VPS35L: variants seen among roughly 807,000 people sequenced by gnomAD.
VPS35L encodes the protein VPS35 endosomal protein-sorting factor-like.
A neutral mutation model predicts 133.0 loss-of-function variants in VPS35L; 83 were observed. The observed-to-expected ratio is 0.62, with a 90% CI of 0.52 to 0.75. The LOEUF is 0.75. Among genes scored for constraint, VPS35L ranks in the 30% least tolerant of loss-of-function variants. VPS35L has a pLI of 0.00. For synonymous variants in VPS35L, 423 were observed against 449.9 expected (o/e 0.94, Z 0.76); for missense variants, 1,083 against 1,206.8 (o/e 0.90, Z 1.52).
chr16:19,676,628 G>A (rs1489312469), intron 27 of VPS35L, among the ~76,000 whole-genome samples: 2 of 152,118 alleles, frequency 1.3e-5, no homozygotes, highest in Non-Finnish European at 2.9e-5. Flanking sequence ...TAGCACTAAC[G>A]ATCTCGGATC....
intron 21 of VPS35L, among the ~76,000 whole-genome samples, chr16:19,641,064 TA>T (rs555460946): frequency 2.5e-3 from 382 of 152,162 alleles, no homozygotes; most frequent in Middle Eastern, 0.024. Context: ...ATTTTATTAT[TA>T]TTTTTTTAAT....
intron 29 of VPS35L, among the ~76,000 whole-genome samples, chr16:19,692,325 C>T (rs759318565): frequency 2.6e-5 from 4 of 152,152 alleles, no homozygotes; most frequent in Non-Finnish European, 4.4e-5. Context: ...TCCCTGATAG[C>T]GTGGGATTGC....
intron 7 of VPS35L, among the ~76,000 whole-genome samples, chr16:19,585,297 A>G (rs1971827470): frequency 6.6e-6 from 1 of 152,138 alleles, no homozygotes; most frequent in Non-Finnish European, 1.5e-5. Context: ...TTGATGAGAA[A>G]CTGCCAAACT....
At position 19,569,595 on chromosome 16, in the gene VPS35L, A is replaced by G. The variant is rs1971297762; in HGVS notation, c.285+4A>G. On this transcript the variant is annotated splice_donor_region_variant and intron_variant, in intron 3 of 30. Transcript: ENST00000417362. ...CGCAGCCTTGGCAGCTGCCATGGTA[A>G]TGCACCCCAGCCATGGTCGTCCAGT... 1 of 1,534,656 alleles carries G rather than the reference A, an allele frequency of 6.5e-7. No homozygotes were observed. Among genetic ancestry groups the G allele is most frequent in the Non-Finnish European group, 8.8e-7 (1 of 1,142,216 alleles).
At chr16:19,615,923 C>T (rs1364471361) in intron 12 of VPS35L, among the ~76,000 whole-genome samples, 191 bp from the exon 13 acceptor site, 1 of 151,114 alleles carries the variant, frequency 6.6e-6, no homozygotes, top group Non-Finnish European at 1.5e-5. Context: ...GCTGAAATCG[C>T]ACCCACCGCA....
At chr16:19,580,845 C>T (rs772978336) in intron 6 of VPS35L, among the ~76,000 whole-genome samples, 6 of 152,112 alleles carry the variant, frequency 3.9e-5, no homozygotes, top group Non-Finnish European at 7.3e-5. Flanking sequence ...CTGAGATGTA[C>T]CATTTCTCTC....
In VPS35L at chr16:19,564,881, A is replaced by G. The variant is rs1314143685; in HGVS notation, c.48A>G (p.Glu16=). 1 of 1,613,488 alleles carries G rather than the reference A, an allele frequency of 6.2e-7. No homozygotes were observed. Among genetic ancestry groups the G allele is most frequent in the South Asian group, 1.1e-5 (1 of 91,070 alleles). ...CCAGGAATAGGAACTACAAAGCTGAATTTGCATCATGCCGACTGGAGGCTG... is the reference window on the plus strand; with the variant it reads ...CCAGGAATAGGAACTACAAAGCTGAGTTTGCATCATGCCGACTGGAGGCTG... ...WHSRNRNYKA[E]FASCRLEAVP... Residue 16 remains glutamate, a synonymous_variant, in exon 2 of 31, where the codon GAA becomes GAG. Transcript: ENST00000417362.
At chr16:19,570,083 A>AT (rs915758325) in intron 3 of VPS35L, among the ~76,000 whole-genome samples, 2 of 151,608 alleles carry the variant, frequency 1.3e-5, no homozygotes, top group Admixed American at 6.6e-5. Context: ...TTAATTTAAT[A>AT]TTTTTTTCAG....
rs1973733392 is a variant in VPS35L at position 19,639,869 on chromosome 16, G to A, written c.1699-146G>A. ...ACAAGCCCAGTCAGGTCCTCTCCCT[G>A]ATTTCAGAGGAGTCCTCATCTGACC... On this transcript the variant is annotated intron_variant, in intron 20 of 30. Coordinates refer to ENST00000417362, the MANE Select transcript of VPS35L (RefSeq NM_020314.7). This position sits in a 1 kb window ranked among gnomAD's most constrained non-coding sequence, Gnocchi z 4.1. The A allele has an allele frequency of 7.8e-6, 5 of 641,734 alleles. No homozygotes were observed. The highest frequency in any genetic ancestry group is 1.1e-5 in the Non-Finnish European group (4 of 378,572). The allele number at this position is 641,734 out of a possible 1,614,324, so 39.8% of individuals were successfully genotyped here.
intron 14 of VPS35L, chr16:19,617,247 A>G (rs963767827): frequency 2.4e-5 from 8 of 337,320 alleles, no homozygotes; most frequent in African/African-American, 4.2e-5. Flanking sequence ...AGTCCCAGCT[A>G]CTCAGGAGGC....
Position 19,570,848 on chromosome 16 carries a change from TA to T in VPS35L, c.285+1258del, listed in dbSNP as rs1971344788. On this transcript the variant is annotated intron_variant, in intron 3 of 30. Transcript: ENST00000417362. ...ATGCTGTGTTTCATATATATATATA[TA>T]TATATATATATATATATATATATAT... 6.7e-4 allele frequency among the ~76,000 whole-genome samples: 8 copies of T among 11,900 alleles called. No individual in the cohort carries two copies. In the African/African-American group the frequency reaches 0.013, roughly 19 times the overall value. 7.8% of individuals were successfully genotyped at this position (11,900 alleles called of 152,430 possible). A position where few individuals can be genotyped will look rare whatever the true frequency, so the allele number is the denominator to read the frequency against.
At chr16:19,691,671 C>G (rs1428736620) in intron 29 of VPS35L, among the ~76,000 whole-genome samples, 200 bp downstream of exon 29, 1 of 152,198 alleles carries the variant, frequency 6.6e-6, no homozygotes, top group South Asian at 2.1e-4. Flanking sequence ...AGGGCTTCCC[C>G]TGGCTGTTCC....
At position 19,699,211 on chromosome 16, in the gene VPS35L, C is replaced by T. The variant is rs1329749856; in HGVS notation, c.2647-291C>T. On this transcript the variant is annotated intron_variant, in intron 29 of 30. Transcript: ENST00000417362. This position sits in a 1 kb window ranked among gnomAD's most constrained non-coding sequence, Gnocchi z 4.2. Reference sequence around the variant, plus strand: ...TGCTGGGGTACCCTTCATTCCTCGACCTCACTGACTGGTGAGTTTCTTCCA... The same window carrying T: ...TGCTGGGGTACCCTTCATTCCTCGATCTCACTGACTGGTGAGTTTCTTCCA... Among the ~76,000 whole-genome samples, 1 of 152,230 alleles carries T rather than the reference C, an allele frequency of 6.6e-6. No individual in the cohort carries two copies. Among genetic ancestry groups the T allele is most frequent in the African/African-American group, 2.4e-5 (1 of 41,468 alleles).
At position 19,613,160 on chromosome 16, in the gene VPS35L, G is replaced by A. The variant is rs150932195; in HGVS notation, c.1023+2745G>A. Among the ~76,000 whole-genome samples the A allele has an allele frequency of 2.5e-3, 379 of 152,216 alleles. 1 individual carries two copies. Among genetic ancestry groups the A allele is most frequent in the Non-Finnish European group, 4.1e-3 (277 of 68,030 alleles). ...TACTAAAAAATACAAAAAATTAGCCGGGCGTGGTGGTACACGCCTGTAGTC... is the reference window on the plus strand; with the variant it reads ...TACTAAAAAATACAAAAAATTAGCCAGGCGTGGTGGTACACGCCTGTAGTC... On this transcript the variant is annotated intron_variant, in intron 12 of 30. Transcript: ENST00000417362.
At chr16:19,618,350 A>T (rs1972965813) in intron 14 of VPS35L, among the ~76,000 whole-genome samples, 2 of 152,308 alleles carry the variant, frequency 1.3e-5, no homozygotes, top group Non-Finnish European at 2.9e-5. Context: ...ATAAACACAC[A>T]CAGAGATGCA....
intron 7 of VPS35L, among the ~76,000 whole-genome samples, chr16:19,588,395 C>T (rs1465333781): frequency 6.6e-6 from 1 of 151,836 alleles, no homozygotes; most frequent in African/African-American, 2.4e-5. Flanking sequence ...CCGTGTTGGC[C>T]AGGCTGGTCT....
At chr16:19,656,056 A>AT (rs1271311169) in intron 26 of VPS35L, among the ~76,000 whole-genome samples, 15 of 152,024 alleles carry the variant, frequency 9.9e-5, no homozygotes, top group African/African-American at 3.4e-4. Context: ...TGAGGTCAGG[A>AT]GTTCAAGACC....
At chr16:19,617,250 C>G in intron 14 of VPS35L, 1 of 333,168 alleles carries the variant, frequency 3.0e-6, no homozygotes, top group East Asian at 6.6e-5. Context: ...CCCAGCTACT[C>G]AGGAGGCTGA....
intron 2 of VPS35L, among the ~76,000 whole-genome samples, chr16:19,565,467 T>G (rs7184497): frequency 6.6e-6 from 1 of 151,992 alleles, no homozygotes; most frequent in African/African-American, 2.4e-5. Context: ...CTCAGCCTCC[T>G]GAGTAGCTGG....
Sources: gnomAD v4.1 joint callset for allele counts (sites outside exome capture counted in the v4.1 genomes callset) on GRCh38, gnomAD v4.1.1 for gene constraint, Gnocchi (gnomAD v3.1) non-coding constraint, MANE v1.5 for transcripts, NCBI Gene and HGNC (gene_info 2026-07-23, HGNC 2026-07-21) for gene names.